Variants in OVCH1 observed in about 807,000 individuals in gnomAD.
OVCH1 encodes the protein ovochymase 1, also known as ovochymase-1.
Under a neutral mutation model 138.4 loss-of-function variants are expected in OVCH1, and 139 were observed. That is an observed-to-expected ratio of 1.00 (90% confidence interval 0.87 to 1.16). The LOEUF (loss-of-function observed/expected upper bound fraction) is 1.16. Among genes scored for constraint, OVCH1 ranks in the 50% most tolerant of loss-of-function variants. The probability of loss-of-function intolerance (pLI) is 0.00; values close to 1 mark genes in which losing one functional copy is unlikely to be tolerated. For synonymous variants in OVCH1, 453 were observed against 467.8 expected, an observed-to-expected ratio of 0.97 and a Z score of 0.41; for missense variants, 1,367 against 1,357.9, an observed-to-expected ratio of 1.01 and a Z score of -0.11.
intron 15 of OVCH1, 137 bp from the exon 16 acceptor site, chr12:29,472,119 A>G: frequency 2.0e-6 from 2 of 987,612 alleles, no homozygotes; most frequent in Non-Finnish European, 2.8e-6. Flanking sequence ...CCCAAAACTC[A>G]CCTCTGAAAA....
At chr12:29,444,912 G>A (rs1362200916) in intron 23 of OVCH1, among the ~76,000 whole-genome samples, 5 of 151,942 alleles carry the variant, frequency 3.3e-5, no homozygotes, top group South Asian at 2.1e-4. Context: ...ATAATAAATT[G>A]TCCAGAGCTA....
intron 21 of OVCH1, 75 bp downstream of exon 21, chr12:29,454,766 G>A: frequency 7.5e-7 from 1 of 1,334,316 alleles, no homozygotes; most frequent in Middle Eastern, 1.8e-4. Context: ...AGAAAATTTA[G>A]CAAAGCTAGA....
exon 11 of OVCH1, chr12:29,477,466 C>T (rs771307877): frequency 6.2e-7 from 1 of 1,613,922 alleles, no homozygotes; most frequent in Non-Finnish European, 8.5e-7. Context: ...CAATATTTTT[C>T]CACAGACCTT....
downstream of OVCH1, among the ~76,000 whole-genome samples, chr12:29,423,523 TG>T (rs376235184): frequency 1.7e-4 from 26 of 152,106 alleles, no homozygotes; most frequent in African/African-American, 6.3e-4. Flanking sequence ...ATAGAAAAAA[TG>T]GTACACACTT....
chr12:29,443,524 CAG>C (rs757542344), intron 24 of OVCH1, 24 bp from the exon 25 acceptor site: 2 of 1,561,662 alleles, frequency 1.3e-6, no homozygotes, highest in Admixed American at 1.9e-5. Context: ...GAAACAAAGT[CAG>C]AAATTATTTC....
At chr12:29,464,592 C>G (rs753721525) in exon 18 of OVCH1, 1 of 1,613,596 alleles carries the variant, frequency 6.2e-7, no homozygotes, top group South Asian at 1.1e-5. Context: ...ATACTGGCCT[C>G]ACCACCGAGT....
At chr12:29,407,261 G>A in the OVCH1 span, among the ~76,000 whole-genome samples, 1 of 131,650 alleles carries the variant, frequency 7.6e-6, no homozygotes, top group Non-Finnish European at 1.8e-5. Flanking sequence ...TGGGTTGCCT[G>A]TTCACTCTGA....
At chr12:29,497,138 A>T (rs1208896713) in intron 1 of OVCH1, among the ~76,000 whole-genome samples, 1 of 152,160 alleles carries the variant, frequency 6.6e-6, no homozygotes, top group Admixed American at 6.5e-5. Context: ...GTGTGGTGGT[A>T]CGTGCCTATG....
At chr12:29,487,719 T>A (rs760058427) in exon 7 of OVCH1, 7 of 1,600,762 alleles carry the variant, frequency 4.4e-6, no homozygotes, top group Non-Finnish European at 5.1e-6. Context: ...AGTGATAAAA[T>A]CCATCAACTC....
chr12:29,492,146 T>C (rs961816278), intron 4 of OVCH1, among the ~76,000 whole-genome samples: 1 of 152,062 alleles, frequency 6.6e-6, no homozygotes. Flanking sequence ...AATATGATGG[T>C]CATGGAAAGT....
At chr12:29,403,819 T>C in the OVCH1 span, among the ~76,000 whole-genome samples, 2 of 152,214 alleles carry the variant, frequency 1.3e-5, no homozygotes, top group African/African-American at 2.4e-5. Context: ...TTAAGAATTA[T>C]ATGGATTTAA....
chr12:29,479,696 G>A (rs1942860981), intron 8 of OVCH1, among the ~76,000 whole-genome samples: 2 of 152,054 alleles, frequency 1.3e-5, no homozygotes, highest in South Asian at 2.1e-4. Flanking sequence ...CCTATTAACA[G>A]CCTCACTACC....
At chr12:29,462,826 A>C (rs1008742739) in intron 18 of OVCH1, among the ~76,000 whole-genome samples, 5 of 152,174 alleles carry the variant, frequency 3.3e-5, no homozygotes, top group Non-Finnish European at 5.9e-5. Context: ...CTTACGGGAC[A>C]GAACTAGGAT....
intron 26 of OVCH1, among the ~76,000 whole-genome samples, chr12:29,436,210 A>G (rs1430569878): frequency 6.6e-6 from 1 of 152,058 alleles, no homozygotes; most frequent in Non-Finnish European, 1.5e-5. Context: ...AAAATGCTGA[A>G]TGAATCTAGT....
chr12:29,458,019 A>G (rs1203207869), intron 19 of OVCH1, among the ~76,000 whole-genome samples: 1 of 152,220 alleles, frequency 6.6e-6, no homozygotes, highest in Non-Finnish European at 1.5e-5. Context: ...GGAAGGCTAG[A>G]AGGCAAATCA....
chr12:29,454,471 A>T (rs1243374325), intron 21 of OVCH1, among the ~76,000 whole-genome samples: 1 of 152,194 alleles, frequency 6.6e-6, no homozygotes, highest in Non-Finnish European at 1.5e-5. Flanking sequence ...GAATGAAGAG[A>T]AATACTAATG....
At chr12:29,435,232 T>C (rs1391546962) in intron 26 of OVCH1, among the ~76,000 whole-genome samples, 1 of 152,082 alleles carries the variant, frequency 6.6e-6, no homozygotes, top group Non-Finnish European at 1.5e-5. Flanking sequence ...GGCGTGAGCC[T>C]GTAGTCCCAG....
intron 27 of OVCH1, among the ~76,000 whole-genome samples, chr12:29,432,812 C>A (rs1941293093): frequency 6.6e-6 from 1 of 152,042 alleles, no homozygotes; most frequent in African/African-American, 2.4e-5. Flanking sequence ...CTGAAGGAGA[C>A]CAGTGAGCTC....
At chr12:29,407,412 T>C in the OVCH1 span, among the ~76,000 whole-genome samples, 62 of 150,236 alleles carry the variant, frequency 4.1e-4, no homozygotes, top group Admixed American at 1.7e-3. Flanking sequence ...ATTGCCTAGG[T>C]TTTCTTCTAG....
Sources: allele counts gnomAD v4.1 joint callset (sites outside exome capture counted in the v4.1 genomes callset), GRCh38; gene constraint gnomAD v4.1.1; transcripts MANE v1.5; gene names NCBI Gene and HGNC (gene_info 2026-07-23, HGNC 2026-07-21).